DNER: variants seen among roughly 807,000 people sequenced by gnomAD.
The protein encoded by DNER is delta and Notch-like epidermal growth factor-related receptor.
DNER carries 33 observed loss-of-function variants against 78.2 expected under a neutral mutation model. The ratio of observed to expected loss-of-function variants is 0.42; its 90% CI spans 0.32 to 0.56. DNER has a LOEUF of 0.56. Among genes scored for constraint, DNER ranks in the 20% least tolerant of loss-of-function variants. DNER has a pLI of 0.11. For synonymous variants in DNER, 417 were observed against 384.8 expected (o/e 1.08, Z -0.98); for missense variants, 918 against 975.3 (o/e 0.94, Z 0.78).
At chr2:229,458,512 A>C (rs1343796018) in intron 7 of DNER, among the ~76,000 whole-genome samples, 1 of 152,070 alleles carries the variant, frequency 6.6e-6, no homozygotes, top group African/African-American at 2.4e-5. Context: ...ACATGAAATA[A>C]GTCATTTTAA....
intron 8 of DNER, among the ~76,000 whole-genome samples, chr2:229,446,895 AAAG>A (rs1401555106): frequency 6.6e-6 from 1 of 152,226 alleles, no homozygotes; most frequent in African/African-American, 2.4e-5. Context: ...CGTTAAGATG[AAAG>A]AAGATATTCT....
chr2:229,447,808 A>C (rs529622569), intron 7 of DNER, among the ~76,000 whole-genome samples: 1 of 151,976 alleles, frequency 6.6e-6, no homozygotes, highest in South Asian at 2.1e-4. Flanking sequence ...GAATATATTT[A>C]TGTGCACACA....
intron 1 of DNER, among the ~76,000 whole-genome samples, chr2:229,679,101 A>C (rs1290314127): frequency 6.6e-6 from 1 of 152,134 alleles, no homozygotes; most frequent in Non-Finnish European, 1.5e-5. Context: ...CTGTAGACAG[A>C]GTTATACCAT....
intron 4 of DNER, among the ~76,000 whole-genome samples, chr2:229,584,746 T>G (rs1185192627): frequency 6.6e-6 from 1 of 151,948 alleles, no homozygotes; most frequent in Non-Finnish European, 1.5e-5. Context: ...CTGGCCAACA[T>G]GGTGAAACCC....
At chr2:229,525,816 T>C (rs757474820) in intron 5 of DNER, among the ~76,000 whole-genome samples, 2 of 152,140 alleles carry the variant, frequency 1.3e-5, no homozygotes, top group African/African-American at 2.4e-5. Context: ...GGTTTCACCA[T>C]GTTGGCCAGG....
intron 11 of DNER, among the ~76,000 whole-genome samples, chr2:229,370,949 C>T (rs1374682611): frequency 6.6e-6 from 1 of 152,226 alleles, no homozygotes; most frequent in East Asian, 1.9e-4. Flanking sequence ...CCATACTGGG[C>T]TATGTGCTCA....
At chr2:229,588,577 T>A in intron 2 of DNER, 89 bp from the exon 3 acceptor site, 1 of 1,155,688 alleles carries the variant, frequency 8.7e-7, no homozygotes, top group African/African-American at 1.5e-5. Context: ...CTGAATTTCC[T>A]TCATCCCTTT....
At chr2:229,474,789 C>T (rs1446822997) in intron 7 of DNER, among the ~76,000 whole-genome samples, 2 of 152,166 alleles carry the variant, frequency 1.3e-5, no homozygotes, top group Non-Finnish European at 2.9e-5. Flanking sequence ...TCCCTCACCT[C>T]CCACCACCTT....
At chr2:229,693,868 A>G (rs1699620951) in intron 1 of DNER, among the ~76,000 whole-genome samples, 1 of 152,256 alleles carries the variant, frequency 6.6e-6, no homozygotes, top group South Asian at 2.1e-4. Flanking sequence ...AGAAATTTGC[A>G]TAAGTAACAA....
At chr2:229,503,897 A>T (rs963468629) in intron 6 of DNER, among the ~76,000 whole-genome samples, 3 of 152,074 alleles carry the variant, frequency 2.0e-5, no homozygotes, top group Admixed American at 6.5e-5. Context: ...GCACACCAAC[A>T]TGCCCAGCTA....
chr2:229,511,758 C>T (rs1450244421), intron 6 of DNER, among the ~76,000 whole-genome samples: 1 of 152,174 alleles, frequency 6.6e-6, no homozygotes, highest in Non-Finnish European at 1.5e-5. Flanking sequence ...CATGTCCAAG[C>T]CTCTATTGGG....
chr2:229,417,777 T>A (rs16826017), intron 9 of DNER, among the ~76,000 whole-genome samples: 4,565 of 152,260 alleles, frequency 0.03, 219 homozygotes, highest in African/African-American at 0.1. Context: ...ATCCTTCCTC[T>A]TCCACAGTTT....
chr2:229,447,277 T>C (rs1201454983), intron 8 of DNER, 39 bp downstream of exon 8: 4 of 1,521,780 alleles, frequency 2.6e-6, no homozygotes, highest in African/African-American at 1.4e-5. Flanking sequence ...GGTTTGAGAT[T>C]GAGAAAAGGA....
intron 7 of DNER, among the ~76,000 whole-genome samples, chr2:229,469,459 G>A (rs905337147): frequency 6.6e-6 from 1 of 152,154 alleles, no homozygotes; most frequent in Admixed American, 6.5e-5. Context: ...TCACAGCTCC[G>A]TTAATTCTTA....
At chr2:229,436,102 T>C (rs80094592) in intron 8 of DNER, among the ~76,000 whole-genome samples, 1,765 of 152,254 alleles carry the variant, frequency 0.012, 13 homozygotes, top group Non-Finnish European at 0.019. Flanking sequence ...ACCCTCATCC[T>C]CCTCCCCACT....
chr2:229,407,148 C>A, intron 10 of DNER, 84 bp downstream of exon 10: 1 of 1,190,940 alleles, frequency 8.4e-7, no homozygotes. Flanking sequence ...ATATTTTATT[C>A]ATGATGGATT....
Position 229,477,139 on chromosome 2 carries a change from C to A in DNER, c.1261+1G>T. The A allele has an allele frequency of 6.2e-7, 1 of 1,611,554 alleles. No individual in the cohort carries two copies. Among genetic ancestry groups the A allele is most frequent in the Non-Finnish European group, 8.5e-7 (1 of 1,178,254 alleles). On this transcript the variant is annotated splice_donor_variant, in intron 7 of 12. Coordinates refer to ENST00000341772, the MANE Select transcript of DNER (RefSeq NM_139072.4). LOFTEE classifies it high-confidence loss of function. ...TTTCTGGAGTAATAAATACTAATTA[C>A]CTTCTGGACACTGGCAGGTGAATCC... is the stretch of plus-strand genomic sequence containing the variant.
chr2:229,365,366 A>G (rs912618083), intron 12 of DNER, among the ~76,000 whole-genome samples: 2 of 152,208 alleles, frequency 1.3e-5, no homozygotes, highest in African/African-American at 4.8e-5. Flanking sequence ...CTTGATGGAA[A>G]CAAGACGGAG....
intron 6 of DNER, among the ~76,000 whole-genome samples, chr2:229,490,036 A>G (rs562006329): frequency 2.8e-4 from 43 of 152,196 alleles, no homozygotes; most frequent in South Asian, 1.7e-3. Context: ...GGAGGAGAGG[A>G]GGAAGAGACA....
Sources: allele counts gnomAD v4.1 joint callset (sites outside exome capture counted in the v4.1 genomes callset), GRCh38; gene constraint gnomAD v4.1.1; transcripts MANE v1.5; gene names NCBI Gene and HGNC (gene_info 2026-07-23, HGNC 2026-07-21).